IQCM: variants seen among roughly 807,000 people sequenced by gnomAD.
IQCM encodes the protein IQ motif containing M, also known as IQ domain-containing protein M.
A neutral mutation model predicts 57.6 loss-of-function variants in IQCM; 45 were observed. The observed-to-expected ratio is 0.78, with a 90% CI of 0.62 to 1.00. The LOEUF is 1.00. IQCM is among the 50% of genes least tolerant of loss of function. The pLI is 0.00. For missense variants in IQCM, 468 were observed against 511.6 expected (o/e 0.91, Z 0.82); for synonymous variants, 148 against 158.9 (o/e 0.93, Z 0.51).
intron 7 of IQCM, among the ~76,000 whole-genome samples, chr4:149,681,171 C>T (rs778272729): frequency 1.3e-4 from 20 of 151,218 alleles, no homozygotes; most frequent in Non-Finnish European, 2.8e-4. Context: ...TTATTTATTA[C>T]ACCCATTAGA....
At chr4:149,561,186 C>CT (rs1359190104) in intron 10 of IQCM, among the ~76,000 whole-genome samples, 1 of 152,066 alleles carries the variant, frequency 6.6e-6, no homozygotes, top group East Asian at 1.9e-4. Flanking sequence ...TTAAAAAGTA[C>CT]TTTTTTATCT....
intron 13 of IQCM, among the ~76,000 whole-genome samples, chr4:149,386,584 CA>C (rs1029158781): frequency 6.6e-6 from 1 of 151,940 alleles, no homozygotes; most frequent in Non-Finnish European, 1.5e-5. Flanking sequence ...ATATGAAAGC[CA>C]TATTCAAAAC....
chr4:149,662,921 T>A (rs1393272126), intron 7 of IQCM, among the ~76,000 whole-genome samples: 1 of 152,004 alleles, frequency 6.6e-6, no homozygotes, highest in Non-Finnish European at 1.5e-5. Context: ...TATTGATAGA[T>A]AAGAACTTAC....
At chr4:149,472,094 T>C (rs1191203434) in intron 12 of IQCM, among the ~76,000 whole-genome samples, 2 of 152,116 alleles carry the variant, frequency 1.3e-5, no homozygotes, top group African/African-American at 4.8e-5. Context: ...CACTCCTATT[T>C]AACATAGTGT....
chr4:149,766,937 ATAG>A (rs1374917629), intron 2 of IQCM, among the ~76,000 whole-genome samples: 1 of 152,102 alleles, frequency 6.6e-6, no homozygotes, highest in Non-Finnish European at 1.5e-5. Flanking sequence ...AGTAAACCTA[ATAG>A]TAGTAATCAT....
At chr4:149,403,232 C>T (rs955017807) in intron 13 of IQCM, among the ~76,000 whole-genome samples, 3 of 151,902 alleles carry the variant, frequency 2.0e-5, no homozygotes, top group Non-Finnish European at 4.4e-5. Context: ...TCTTTCCAAA[C>T]AAAATTTCTT....
chr4:149,438,448 T>C (rs897183001), intron 12 of IQCM, among the ~76,000 whole-genome samples: 2 of 152,090 alleles, frequency 1.3e-5, no homozygotes, highest in Non-Finnish European at 2.9e-5. Context: ...TTTGAAGTGG[T>C]GGACAAATAA....
chr4:149,620,092 G>T (rs1756193614), intron 8 of IQCM, among the ~76,000 whole-genome samples: 1 of 152,152 alleles, frequency 6.6e-6, no homozygotes, highest in African/African-American at 2.4e-5. Context: ...GGCAGGTGGA[G>T]GTTGCGGTGA....
intron 7 of IQCM, among the ~76,000 whole-genome samples, chr4:149,671,052 G>C (rs540550410): frequency 2.8e-4 from 42 of 151,980 alleles, no homozygotes; most frequent in Non-Finnish European, 2.9e-5. Flanking sequence ...AAGAGTTTCA[G>C]AAGGAATGCT....
chr4:149,525,716 T>C (rs934900901), intron 12 of IQCM, among the ~76,000 whole-genome samples: 1 of 151,776 alleles, frequency 6.6e-6, no homozygotes, highest in Non-Finnish European at 1.5e-5. Context: ...AAAATGTTTT[T>C]AACCAAAAAA....
chr4:149,705,795 A>G (rs995399642), intron 5 of IQCM, among the ~76,000 whole-genome samples: 9 of 152,080 alleles, frequency 5.9e-5, no homozygotes, highest in Non-Finnish European at 1.0e-4. Flanking sequence ...TAAGGCTTTC[A>G]GTCACCAATA....
At position 149,602,045 on chromosome 4, in the gene IQCM, AAAAAAAAAAAG is replaced by A. The variant is rs1180118094; in HGVS notation, c.682-14059_682-14049del. ...CTCCAGCCTGGGCGACAAAAAAAAA[AAAAAAAAAAAG>A]AAAAAATATGCTTTTTACTAAACAA... is the stretch of plus-strand genomic sequence containing the variant. On this transcript the variant is annotated intron_variant, in intron 8 of 13. Transcript: ENST00000636793. Among the ~76,000 whole-genome samples the A allele has an allele frequency of 2.0e-5, 3 of 151,482 alleles. No individual in the cohort carries two copies. In the East Asian group the frequency reaches 5.8e-4, roughly 29 times the overall value.
At chr4:149,693,700 A>G (rs1248386847) in intron 5 of IQCM, among the ~76,000 whole-genome samples, 1 of 152,192 alleles carries the variant, frequency 6.6e-6, no homozygotes, top group Non-Finnish European at 1.5e-5. Flanking sequence ...ATTTAACATC[A>G]CAGTAGTCAG....
chr4:149,777,683 C>T lies in IQCM; in HGVS notation c.-48-34944G>A, dbSNP rs147034466. On this transcript the variant is annotated intron_variant, in intron 2 of 13. Coordinates refer to ENST00000636793, the MANE Select transcript of IQCM (RefSeq NM_001363507.2). The stretch of plus-strand genomic sequence containing the variant: ...ATACCAACTTCTGCTTCTGAGAAAA[C>T]GGAGTAGATGTAATTTTCCCTTTTC... 4.4e-3 allele frequency among the ~76,000 whole-genome samples: 673 copies of T among 152,154 alleles called. 5 individuals carry two copies. The highest frequency in any genetic ancestry group is 0.015 in the African/African-American group (640 of 41,492).
intron 2 of IQCM, among the ~76,000 whole-genome samples, chr4:149,749,313 T>G (rs929144414): frequency 2.6e-5 from 4 of 152,242 alleles, no homozygotes; most frequent in East Asian, 1.9e-4. Flanking sequence ...CCACTGACAG[T>G]AGAATACACA....
chr4:149,560,699 T>C (rs1750038614), intron 10 of IQCM, among the ~76,000 whole-genome samples: 1 of 152,226 alleles, frequency 6.6e-6, no homozygotes, highest in Admixed American at 6.5e-5. Context: ...TTGATGCTGC[T>C]TCACTATTTC....
At chr4:149,682,295 A>C (rs1191461537) in intron 6 of IQCM, 89 bp from the exon 7 acceptor site, 5 of 484,360 alleles carry the variant, frequency 1.0e-5, no homozygotes, top group African/African-American at 1.0e-4. Context: ...ACTAAATGCT[A>C]ATCATAGAAA....
At chr4:149,423,550 C>T (rs528990738) in intron 13 of IQCM, among the ~76,000 whole-genome samples, 70 of 152,054 alleles carry the variant, frequency 4.6e-4, no homozygotes, top group Non-Finnish European at 9.7e-4. Flanking sequence ...AAGATGTTGA[C>T]AGCCTCCATG....
chr4:149,750,590 T>G (rs1768344078), intron 2 of IQCM, among the ~76,000 whole-genome samples: 1 of 152,228 alleles, frequency 6.6e-6, no homozygotes, highest in Non-Finnish European at 1.5e-5. Flanking sequence ...ATGCCTTCAC[T>G]GATAATTGTG....
Sources: gnomAD v4.1 joint callset for allele counts (sites outside exome capture counted in the v4.1 genomes callset) on GRCh38, gnomAD v4.1.1 for gene constraint, MANE v1.5 for transcripts, NCBI Gene and HGNC (gene_info 2026-07-23, HGNC 2026-07-21) for gene names.